The following SLC35D2 variants were observed in gnomAD, a reference collection of about 807,000 sequenced individuals.
The protein encoded by SLC35D2 is nucleotide sugar transporter SLC35D2.
A neutral mutation model predicts 41.8 loss-of-function variants in SLC35D2; 43 were observed. The observed-to-expected ratio is 1.03, with a 90% CI of 0.81 to 1.33. The LOEUF (loss-of-function observed/expected upper bound fraction) is 1.33, where lower values mean the gene tolerates loss of function less well. Among genes scored for constraint, SLC35D2 ranks in the 40% most tolerant of loss-of-function variants. The pLI is 0.00. For missense variants in SLC35D2, 380 were observed against 408.4 expected (o/e 0.93, Z 0.60); for synonymous variants, 150 against 163.9 (o/e 0.92, Z 0.65).
At chr9:96,327,011 C>T (rs1828566475) in intron 9 of SLC35D2, among the ~76,000 whole-genome samples, 1 of 152,166 alleles carries the variant, frequency 6.6e-6, no homozygotes, top group South Asian at 2.1e-4. Context: ...GCACCTGCCC[C>T]GGAGCCACTC....
At position 96,345,350 on chromosome 9, in the gene SLC35D2, A is replaced by T. The variant is rs1829528639; in HGVS notation, c.540T>A (p.Asp180Glu). The change falls in exon 7 of 12, where the codon GAT becomes GAA. Residue 180 changes from aspartate (D) to glutamate (E), a missense_variant. Transcript: ENST00000253270. The part of the protein sequence containing the change: ...LEGYIFVFLN[D>E]IFTAANGVYT... ...AAACTCCATTTGCTGCTGTGAAGAT[A>T]TCATTCAGGAATACAAAAATATAGC... 6.2e-7 allele frequency: 1 copy of T among 1,612,044 alleles called. No homozygotes were observed. Among genetic ancestry groups the T allele is most frequent in the Admixed American group, 1.7e-5 (1 of 59,732 alleles).
At chr9:96,320,310 T>G (rs1828162575), downstream of SLC35D2, among the ~76,000 whole-genome samples, 1 of 152,142 alleles carries the variant, frequency 6.6e-6, no homozygotes, top group Non-Finnish European at 1.5e-5. Context: ...GGTCAGGAGT[T>G]CAAGACTAGC....
At position 96,343,903 on chromosome 9, in the gene SLC35D2, C is replaced by T; in HGVS notation, c.684+1G>A. ...AACTGTAATGATTGTCATCAGCTCA[C>T]CTGTTGCAGGTCTCCAGTGGAGACA... On this transcript the variant is annotated splice_donor_variant, in intron 8 of 11. Transcript: ENST00000253270. LOFTEE classifies it high-confidence loss of function. 1 of 1,530,528 alleles carries T rather than the reference C, an allele frequency of 6.5e-7. No individual in the cohort carries two copies. The highest frequency in any genetic ancestry group is 8.8e-7 in the Non-Finnish European group (1 of 1,142,206). The allele number at this position is 1,530,528 out of a possible 1,614,324, so 94.8% of individuals were successfully genotyped here.
intron 1 of SLC35D2, among the ~76,000 whole-genome samples, chr9:96,371,490 A>AAAAAAAAAAAAAAAC (rs1830679337): frequency 6.8e-6 from 1 of 146,462 alleles, no homozygotes; most frequent in Non-Finnish European, 1.5e-5. Flanking sequence ...AAAAAAAAAA[A>AAAAAAAAAAAAAAAC]AAAAAAAAAA....
intron 1 of SLC35D2, among the ~76,000 whole-genome samples, chr9:96,369,012 G>C (rs1011014564): frequency 2.0e-5 from 3 of 152,116 alleles, no homozygotes; most frequent in South Asian, 2.1e-4. Context: ...TGATCTGCCC[G>C]CCTTGGCCTC....
At chr9:96,348,007 T>A (rs1829654239) in intron 6 of SLC35D2, among the ~76,000 whole-genome samples, 1 of 152,186 alleles carries the variant, frequency 6.6e-6, no homozygotes, top group Non-Finnish European at 1.5e-5. Context: ...CCATTAAAAA[T>A]GGGCAACCAG....
intron 1 of SLC35D2, among the ~76,000 whole-genome samples, chr9:96,371,968 C>T (rs1279956567): frequency 3.3e-5 from 5 of 151,794 alleles, no homozygotes; most frequent in African/African-American, 7.3e-5. Flanking sequence ...CCTCGTGATC[C>T]GCCCGCCTCG....
At chr9:96,322,533 A>G (rs1587826195) in intron 10 of SLC35D2, among the ~76,000 whole-genome samples, 2 of 152,238 alleles carry the variant, frequency 1.3e-5, no homozygotes, top group Non-Finnish European at 2.9e-5. Context: ...AAATAAATAA[A>G]TAAGCCATTA....
intron 10 of SLC35D2, 107 bp from the exon 11 acceptor site, chr9:96,322,187 T>G: frequency 5.5e-6 from 4 of 721,136 alleles, no homozygotes; most frequent in Non-Finnish European, 9.7e-6. Flanking sequence ...GCATAGAGAC[T>G]TGTACATAGG....
At chr9:96,328,967 A>C (rs1207154532) in intron 9 of SLC35D2, among the ~76,000 whole-genome samples, 1 of 151,958 alleles carries the variant, frequency 6.6e-6, no homozygotes, top group East Asian at 1.9e-4. Context: ...TGGAACCTAT[A>C]ATCTCAGCTA....
At chr9:96,343,560 T>C (rs1178993319) in intron 8 of SLC35D2, among the ~76,000 whole-genome samples, 1 of 152,176 alleles carries the variant, frequency 6.6e-6, no homozygotes, top group African/African-American at 2.4e-5. Flanking sequence ...TAAACAAACC[T>C]ATGTTTTAAA....
chr9:96,359,721 CAA>C (rs1019673603), intron 4 of SLC35D2, among the ~76,000 whole-genome samples: 1 of 151,968 alleles, frequency 6.6e-6, no homozygotes, highest in African/African-American at 2.4e-5. Flanking sequence ...AATGCAGATG[CAA>C]ATTTCAGAAG....
At chr9:96,337,580 G>C (rs1382013793) in intron 8 of SLC35D2, among the ~76,000 whole-genome samples, 1 of 152,094 alleles carries the variant, frequency 6.6e-6, no homozygotes, top group Non-Finnish European at 1.5e-5. Flanking sequence ...ACTGTTCTCA[G>C]GAACTTGCAC....
intron 9 of SLC35D2, among the ~76,000 whole-genome samples, chr9:96,329,003 G>A (rs1014454119): frequency 9.3e-5 from 14 of 150,996 alleles, no homozygotes; most frequent in African/African-American, 3.4e-4. Context: ...CAGGAGAATC[G>A]CTTGAACCCA....
chr9:96,344,085 C>G, intron 7 of SLC35D2, 89 bp from the exon 8 acceptor site: 1 of 736,118 alleles, frequency 1.4e-6, no homozygotes. Context: ...CATATTCATG[C>G]GAAGTTAGAA....
intron 8 of SLC35D2, among the ~76,000 whole-genome samples, chr9:96,343,037 G>A (rs558405172): frequency 2.6e-4 from 40 of 152,320 alleles, no homozygotes; most frequent in African/African-American, 9.4e-4. Flanking sequence ...TGGAGGTCCC[G>A]CTGAGGAGGG....
rs143686197 is a variant in SLC35D2 at position 96,321,050 on chromosome 9, G to A, written c.*192C>T. The A allele has an allele frequency of 5.9e-3, 3,154 of 530,216 alleles. 33 individuals carry two copies. Among genetic ancestry groups the A allele is most frequent in the Middle Eastern group, 0.027 (54 of 1,974 alleles). 32.8% of individuals were successfully genotyped at this position (530,216 alleles called of 1,614,324 possible). ...ATTTGCTTTCCACAGGTAAGGTGTC[G>A]CCCGAGTACATTTCTTGAGACTGCC... On this transcript the variant is annotated 3_prime_UTR_variant, in exon 12 of 12. Coordinates refer to ENST00000253270, the MANE Select transcript of SLC35D2 (RefSeq NM_007001.3).
chr9:96,338,687 C>A (rs573279864), intron 8 of SLC35D2, among the ~76,000 whole-genome samples: 26 of 152,040 alleles, frequency 1.7e-4, no homozygotes, highest in Admixed American at 6.6e-4. Context: ...CGTCATAACA[C>A]TTTTTGTTAA....
At chr9:96,320,235 C>T (rs769882645), downstream of SLC35D2, among the ~76,000 whole-genome samples, 69 of 152,260 alleles carry the variant, frequency 4.5e-4, no homozygotes, top group Non-Finnish European at 7.1e-4. Context: ...CAGGATTGGC[C>T]GGGTTCGGTG....
Sources: gnomAD v4.1 joint callset for allele counts (sites outside exome capture counted in the v4.1 genomes callset) on GRCh38, gnomAD v4.1.1 for gene constraint, MANE v1.5 for transcripts, NCBI Gene and HGNC (gene_info 2026-07-23, HGNC 2026-07-21) for gene names.